ELFN2: variants seen among roughly 807,000 people sequenced by gnomAD.
ELFN2 encodes the protein protein phosphatase 1 regulatory subunit 29.
Under a neutral mutation model 45.5 loss-of-function variants are expected in ELFN2, and 17 were observed. The observed-to-expected ratio is 0.37, with a 90% CI of 0.26 to 0.56. The LOEUF (loss-of-function observed/expected upper bound fraction) is 0.56, where lower values mean the gene tolerates loss of function less well. Ranked by LOEUF, ELFN2 falls within the 20% of genes least tolerant of loss-of-function variation. The pLI, the probability that ELFN2 is intolerant of heterozygous loss-of-function variation, is 0.77. For synonymous variants in ELFN2, 550 were observed against 551.5 expected (o/e 1.00, Z 0.04); for missense variants, 922 against 1,183.2 (o/e 0.78, Z 3.24).
chr22:37,361,752 T>C lies in ELFN2; in HGVS notation n.149-19049A>G, dbSNP rs558589383. 7.2e-5 allele frequency among the ~76,000 whole-genome samples: 11 copies of C among 152,320 alleles called. No homozygotes were observed. In the East Asian group the frequency reaches 2.1e-3, roughly 29 times the overall value. ...AAAGTTCTCCATTCAGCTAACAAAC[T>C]GTTAGAATATCCTCCTGCCTTGACA... On this transcript the variant is annotated intron_variant and non_coding_transcript_variant, in intron 1 of 2. Coordinates refer to ENST00000452946, the Ensembl canonical transcript of ELFN2.
chr22:37,378,746 AGCTGCCCGGTCCCCATCCCGG>A (rs1249523070), intron 2 of ELFN2, among the ~76,000 whole-genome samples: 1 of 152,252 alleles, frequency 6.6e-6, no homozygotes, highest in Non-Finnish European at 1.5e-5. Flanking sequence ...CAGGGGCGTC[AGCTGCCCGGTCCCCATCCCGG>A]GCTGCCTGCC....
At chr22:37,387,696 G>A (rs1012495102) in intron 2 of ELFN2, among the ~76,000 whole-genome samples, 8 of 151,968 alleles carry the variant, frequency 5.3e-5, no homozygotes, top group African/African-American at 1.9e-4. Context: ...CCCAGGCCGC[G>A]GCCCCTCGGG....
At chr22:37,409,650 A>G (rs575754497) in intron 2 of ELFN2, among the ~76,000 whole-genome samples, 3 of 152,374 alleles carry the variant, frequency 2.0e-5, no homozygotes, top group African/African-American at 4.8e-5. Flanking sequence ...TTCTGCAGTC[A>G]GACACTTCAG....
chr22:37,422,538 C>T (rs1265889266), intron 1 of ELFN2, among the ~76,000 whole-genome samples: 4 of 151,666 alleles, frequency 2.6e-5, no homozygotes. Flanking sequence ...AACCTCGTCT[C>T]TACTAAAAAT....
At position 37,381,924 on chromosome 22, in the gene ELFN2, C is replaced by A. The variant is rs1245230570; in HGVS notation, c.-462-5928G>T. 3.6e-5 allele frequency among the ~76,000 whole-genome samples: 5 copies of A among 139,726 alleles called. No homozygotes were observed. The East Asian group carries it at 1.0e-3, about 29-fold the overall frequency. 91.7% of individuals were successfully genotyped at this position (139,726 alleles called of 152,430 possible). On this transcript the variant is annotated intron_variant, in intron 2 of 2. Coordinates refer to ENST00000402918, the MANE Select transcript of ELFN2 (RefSeq NM_052906.5). ...TGAGCCGAGATCGCGCCTCTGCACT[C>A]CAGCCTGGGCGACAGAGTGAGACTC... is the stretch of plus-strand genomic sequence containing the variant.
At chr22:37,382,667 A>G (rs541075548) in intron 2 of ELFN2, among the ~76,000 whole-genome samples, 1 of 150,150 alleles carries the variant, frequency 6.7e-6, no homozygotes, top group African/African-American at 2.5e-5. Context: ...CTCGTGTCTC[A>G]GCCTCCCAAG....
At chr22:37,366,115 C>T (rs138904226), downstream of ELFN2, among the ~76,000 whole-genome samples, 26 of 152,268 alleles carry the variant, frequency 1.7e-4, no homozygotes, top group African/African-American at 4.8e-4. Flanking sequence ...GAAGCAGATA[C>T]GCGACACTTA....
In ELFN2 at chr22:37,353,106, C is replaced by T. The variant is rs943238108; in HGVS notation, n.149-10403G>A. The stretch of plus-strand genomic sequence containing the variant: ...GAACCCTCTCCCATGTTCTCACCTC[C>T]CCTGCCCCCAGCTGCGTACCTTGGT... On this transcript the variant is annotated intron_variant and non_coding_transcript_variant, in intron 1 of 2. Coordinates refer to ENST00000452946, the Ensembl canonical transcript of ELFN2. 6.0e-5 allele frequency: 9 copies of T among 151,146 alleles called. 1 individual carries two copies. Among genetic ancestry groups the T allele is most frequent in the African/African-American group, 2.2e-4 (9 of 41,460 alleles). The allele number at this position is 151,146 out of a possible 1,614,324, so 9.4% of individuals were successfully genotyped here. A position where few individuals can be genotyped will look rare whatever the true frequency, so the allele number is the denominator to read the frequency against.
chr22:37,424,067 G>A (rs1000489861), intron 1 of ELFN2, among the ~76,000 whole-genome samples: 8 of 152,040 alleles, frequency 5.3e-5, no homozygotes, highest in African/African-American at 1.7e-4. Context: ...CCTACTTCTC[G>A]GCCATCCACT....
At chr22:37,348,994 G>A (rs1416764114) in intron 1 of ELFN2, among the ~76,000 whole-genome samples, 2 of 151,108 alleles carry the variant, frequency 1.3e-5, no homozygotes, top group African/African-American at 2.4e-5. Flanking sequence ...TCTGCTGAGC[G>A]TTTAGTGCAT....
intron 1 of ELFN2, among the ~76,000 whole-genome samples, chr22:37,362,760 C>G (rs570606005): frequency 6.6e-6 from 1 of 152,130 alleles, no homozygotes; most frequent in Non-Finnish European, 1.5e-5. Context: ...ATGGAGCTGC[C>G]GAGGAAATAA....
chr22:37,349,148 C>T (rs543863158), intron 1 of ELFN2, among the ~76,000 whole-genome samples: 2 of 151,328 alleles, frequency 1.3e-5, no homozygotes, highest in South Asian at 4.1e-4. Context: ...GTGATACACC[C>T]GGAAAGGGGC....
chr22:37,362,390 T>A (rs1335328603), intron 1 of ELFN2, among the ~76,000 whole-genome samples: 1 of 152,202 alleles, frequency 6.6e-6, no homozygotes, highest in Non-Finnish European at 1.5e-5. Context: ...CAACCCTTAT[T>A]TTGGGGGGCT....
At chr22:37,386,716 G>A (rs777812846) in intron 2 of ELFN2, among the ~76,000 whole-genome samples, 7 of 152,172 alleles carry the variant, frequency 4.6e-5, no homozygotes, top group African/African-American at 2.4e-5. Context: ...GAGGGCCGCC[G>A]GCTGGGCAGA....
At chr22:37,403,889 C>G (rs987301110) in intron 2 of ELFN2, among the ~76,000 whole-genome samples, 1 of 152,226 alleles carries the variant, frequency 6.6e-6, no homozygotes, top group Non-Finnish European at 1.5e-5. Context: ...GTCTCAGCTT[C>G]CCTGTCTGTA....
At chr22:37,353,582 C>A (rs1402468028) in intron 1 of ELFN2, 4 of 151,002 alleles carry the variant, frequency 2.6e-5, no homozygotes, top group Non-Finnish European at 3.0e-5. Context: ...ACGGAGATAA[C>A]CTCATGGAAA....
intron 2 of ELFN2, among the ~76,000 whole-genome samples, chr22:37,414,634 G>A (rs897551041): frequency 2.6e-5 from 4 of 152,046 alleles, no homozygotes; most frequent in Non-Finnish European, 5.9e-5. Flanking sequence ...TCCATTAATA[G>A]TCCTCCCATT....
intron 1 of ELFN2, among the ~76,000 whole-genome samples, chr22:37,350,605 C>G (rs1295332284): frequency 6.6e-6 from 1 of 150,736 alleles, no homozygotes; most frequent in African/African-American, 2.4e-5. Flanking sequence ...CGGGCCTGGT[C>G]CCCTGGAGGC....
intron 1 of ELFN2, among the ~76,000 whole-genome samples, chr22:37,349,071 C>T (rs758527637): frequency 2.6e-5 from 4 of 151,308 alleles, no homozygotes; most frequent in East Asian, 1.9e-4. Context: ...CTGCATGCCA[C>T]GCGCTAGCCT....
Sources: gnomAD v4.1 joint callset for allele counts (sites outside exome capture counted in the v4.1 genomes callset) on GRCh38, gnomAD v4.1.1 for gene constraint, MANE v1.5 for transcripts, NCBI Gene and HGNC (gene_info 2026-07-23, HGNC 2026-07-21) for gene names.